Variants in HPSE2 observed in about 807,000 individuals in gnomAD.
HPSE2 encodes inactive heparanase-2.
In HPSE2, 38 loss-of-function variants were observed where a neutral mutation model predicts 60.5. The ratio of observed to expected loss-of-function variants is 0.63; its 90% CI spans 0.48 to 0.82. HPSE2 has a LOEUF of 0.82. HPSE2 is among the 40% of genes least tolerant of loss of function. HPSE2 has a pLI of 0.00. For synonymous variants in HPSE2, 295 were observed against 293.2 expected, an observed-to-expected ratio of 1.01 and a Z score of -0.06; for missense variants, 713 against 740.4, an observed-to-expected ratio of 0.96 and a Z score of 0.43.
intron 2 of HPSE2, among the ~76,000 whole-genome samples, chr10:99,178,148 T>C (rs1847606284): frequency 6.6e-6 from 1 of 151,792 alleles, no homozygotes; most frequent in Admixed American, 6.6e-5. Flanking sequence ...TAGCACTAAA[T>C]GCCCACAGGA....
At chr10:98,661,716 C>T (rs144759219) in intron 6 of HPSE2, among the ~76,000 whole-genome samples, 193 of 152,208 alleles carry the variant, frequency 1.3e-3, no homozygotes, top group African/African-American at 4.5e-3. Context: ...AGTCAATTCC[C>T]TATTACTAAA....
chr10:98,916,937 C>A (rs7100405), intron 3 of HPSE2, among the ~76,000 whole-genome samples: 1 of 152,096 alleles, frequency 6.6e-6, no homozygotes, highest in Non-Finnish European at 1.5e-5. Context: ...TTTACCATGC[C>A]TCCTACTGGG....
At chr10:99,002,660 G>T (rs1197741911) in intron 3 of HPSE2, among the ~76,000 whole-genome samples, 9 of 152,026 alleles carry the variant, frequency 5.9e-5, no homozygotes, top group Admixed American at 5.9e-4. Context: ...ACTAAATCTG[G>T]ATGAGATCCT....
intron 9 of HPSE2, among the ~76,000 whole-genome samples, chr10:98,503,435 C>T (rs1343648961): frequency 6.6e-6 from 1 of 152,040 alleles, no homozygotes; most frequent in Non-Finnish European, 1.5e-5. Context: ...ACTAGTACAG[C>T]CACTATGGAA....
intron 6 of HPSE2, among the ~76,000 whole-genome samples, chr10:98,672,756 GA>G (rs1168787929): frequency 1.3e-5 from 2 of 152,116 alleles, no homozygotes; most frequent in Non-Finnish European, 2.9e-5. Context: ...AGCTTCTTAA[GA>G]GGAAAAATGT....
chr10:98,745,387 C>G (rs1315860807), intron 3 of HPSE2, among the ~76,000 whole-genome samples: 1 of 152,138 alleles, frequency 6.6e-6, no homozygotes, highest in East Asian at 1.9e-4. Context: ...CTGTCTACTT[C>G]TAGATTCTTC....
chr10:98,511,128 C>T (rs1325612172), intron 9 of HPSE2, among the ~76,000 whole-genome samples: 1 of 19,072 alleles, frequency 5.2e-5, no homozygotes, highest in Non-Finnish European at 1.8e-4. Context: ...TAATGTGTTG[C>T]TGTTTTTTTT....
the HPSE2 span, among the ~76,000 whole-genome samples, chr10:99,246,404 A>G: frequency 6.6e-6 from 1 of 152,236 alleles, no homozygotes. Context: ...GTGCTATAAT[A>G]AAAATGTGGT....
At chr10:98,496,375 G>A (rs149040722) in intron 9 of HPSE2, among the ~76,000 whole-genome samples, 1 of 152,158 alleles carries the variant, frequency 6.6e-6, no homozygotes, top group Non-Finnish European at 1.5e-5. Flanking sequence ...ATGGAGAGAG[G>A]TGCAACAACA....
At chr10:98,592,969 C>G (rs142188454) in intron 9 of HPSE2, among the ~76,000 whole-genome samples, 1 of 152,186 alleles carries the variant, frequency 6.6e-6, no homozygotes, top group East Asian at 1.9e-4. Flanking sequence ...TATGCAGCAG[C>G]TATAACTGCT....
chr10:99,225,530 TGC>T (rs1327440801), intron 2 of HPSE2, among the ~76,000 whole-genome samples: 1 of 152,106 alleles, frequency 6.6e-6, no homozygotes, highest in Non-Finnish European at 1.5e-5. Flanking sequence ...TTATAAAACT[TGC>T]AATGTAAGGA....
intron 3 of HPSE2, among the ~76,000 whole-genome samples, chr10:98,855,701 G>C (rs990010642): frequency 6.6e-6 from 1 of 152,132 alleles, no homozygotes; most frequent in African/African-American, 2.4e-5. Context: ...CTAAGACCCA[G>C]AGACACAATG....
chr10:99,154,442 A>G (rs865791077), intron 2 of HPSE2, among the ~76,000 whole-genome samples: 18 of 78,796 alleles, frequency 2.3e-4, no homozygotes, highest in African/African-American at 3.5e-4. Context: ...AGTGGGGGCC[A>G]ATATTCAACA....
intron 6 of HPSE2, among the ~76,000 whole-genome samples, chr10:98,682,836 G>T (rs1947820466): frequency 6.6e-6 from 1 of 152,096 alleles, no homozygotes; most frequent in South Asian, 2.1e-4. Flanking sequence ...AAAAAGTTGG[G>T]AAACCACTTC....
At chr10:98,725,945 C>G (rs1444144437) in intron 4 of HPSE2, among the ~76,000 whole-genome samples, 6 of 152,226 alleles carry the variant, frequency 3.9e-5, no homozygotes, top group African/African-American at 1.4e-4. Context: ...GATACCATCT[C>G]TCACCAGTTA....
intron 4 of HPSE2, among the ~76,000 whole-genome samples, chr10:98,729,584 G>A (rs1250323619): frequency 6.6e-6 from 1 of 152,044 alleles, no homozygotes. Context: ...ACTCCAGCCT[G>A]GGTGACAGAG....
intron 11 of HPSE2, 42 bp downstream of exon 11, chr10:98,482,594 C>T: frequency 6.2e-7 from 1 of 1,613,200 alleles, no homozygotes; most frequent in Non-Finnish European, 8.5e-7. Context: ...CCCTCAGCTC[C>T]TGCTGCACTT....
chr10:99,139,434 C>T (rs1341668360), intron 3 of HPSE2, among the ~76,000 whole-genome samples: 1 of 151,890 alleles, frequency 6.6e-6, no homozygotes, highest in Non-Finnish European at 1.5e-5. Context: ...AAGCTGTTGA[C>T]ATTTTAAATA....
chr10:98,496,191 G>A (rs1031001509), intron 9 of HPSE2, among the ~76,000 whole-genome samples: 9 of 151,954 alleles, frequency 5.9e-5, no homozygotes, highest in Admixed American at 2.0e-4. Context: ...TTGGGTATGC[G>A]TACTTTCTAC....
Sources: gnomAD v4.1 joint callset for allele counts (sites outside exome capture counted in the v4.1 genomes callset) on GRCh38, gnomAD v4.1.1 for gene constraint, MANE v1.5 for transcripts, NCBI Gene and HGNC (gene_info 2026-07-23, HGNC 2026-07-21) for gene names.